Variants in PTPRN2 observed in about 807,000 individuals in gnomAD.
PTPRN2 encodes the protein receptor-type tyrosine-protein phosphatase N2.
PTPRN2 carries 74 observed loss-of-function variants against 118.8 expected under a neutral mutation model. The ratio of observed to expected loss-of-function variants is 0.62; its 90% CI spans 0.52 to 0.76. The LOEUF (loss-of-function observed/expected upper bound fraction) is 0.76, where lower values mean the gene tolerates loss of function less well. Among genes scored for constraint, PTPRN2 ranks in the 30% least tolerant of loss-of-function variants. The pLI, the probability that PTPRN2 is intolerant of heterozygous loss-of-function variation, is 0.00. For synonymous variants in PTPRN2, 641 were observed against 608.0 expected (o/e 1.05, Z -0.80); for missense variants, 1,481 against 1,394.4 (o/e 1.06, Z -0.99).
chr7:158,411,866 C>G (rs1006988009), intron 2 of PTPRN2, among the ~76,000 whole-genome samples: 3 of 152,144 alleles, frequency 2.0e-5, no homozygotes, highest in African/African-American at 7.2e-5. Context: ...TCTCGTTAGG[C>G]TGCCGTGAGG....
intron 11 of PTPRN2, among the ~76,000 whole-genome samples, chr7:157,946,823 G>A (rs749145695): frequency 7.9e-5 from 12 of 152,238 alleles, no homozygotes; most frequent in East Asian, 5.8e-4. Flanking sequence ...TGAGAAGGGC[G>A]GAAGCCATGA....
At position 158,509,097 on chromosome 7, in the gene PTPRN2, T is replaced by C. The variant is rs1476662639; in HGVS notation, c.113-19312A>G. 6.6e-6 allele frequency among the ~76,000 whole-genome samples: 1 copy of C among 150,986 alleles called. No individual in the cohort carries two copies. The highest frequency in any genetic ancestry group is 1.5e-5 in the Non-Finnish European group (1 of 67,794). On this transcript the variant is annotated intron_variant, in intron 1 of 22. Coordinates refer to ENST00000389418, the MANE Select transcript of PTPRN2 (RefSeq NM_002847.5). The surrounding 1 kb of genome is among the most constrained non-coding windows in gnomAD (Gnocchi z 4.4). ...AGAAGGGGAGGAAGAAGATGGGGAC[T>C]GGGAGGGGAGAGGGAGAGAGAGAGC...
At chr7:158,569,189 G>A (rs796220102) in intron 1 of PTPRN2, among the ~76,000 whole-genome samples, 10 of 152,362 alleles carry the variant, frequency 6.6e-5, no homozygotes, top group African/African-American at 2.4e-4. Flanking sequence ...GGTATTTTAA[G>A]GGGAATACAT....
intron 11 of PTPRN2, among the ~76,000 whole-genome samples, chr7:157,968,674 G>T (rs1324472154): frequency 6.6e-6 from 1 of 152,166 alleles, no homozygotes; most frequent in Non-Finnish European, 1.5e-5. Flanking sequence ...TGCAGATGAA[G>T]AATCCAGCCT....
chr7:158,431,519 C>T (rs367898687), intron 2 of PTPRN2, among the ~76,000 whole-genome samples: 2 of 134,170 alleles, frequency 1.5e-5, no homozygotes, highest in East Asian at 4.9e-4. Context: ...AGACACACAG[C>T]AGGCACACTG....
At chr7:157,747,101 C>T (rs1460203829) in intron 12 of PTPRN2, among the ~76,000 whole-genome samples, 1 of 125,484 alleles carries the variant, frequency 8.0e-6, no homozygotes, top group Non-Finnish European at 1.6e-5. Context: ...GAGCTGTGGG[C>T]TGTTGAGGCG....
chr7:158,235,333 G>A (rs566557559), intron 3 of PTPRN2, among the ~76,000 whole-genome samples: 14 of 152,228 alleles, frequency 9.2e-5, no homozygotes, highest in Middle Eastern at 3.4e-3. Flanking sequence ...GCAAAAATAT[G>A]GAGTCGACCT....
rs1434767703 is a variant in PTPRN2 at position 157,801,257 on chromosome 7, TC to T, written c.1788+97415del. ...AACCGACGCTGAAAGTATCAGGCCT[TC>T]CGCTTAGCGCTGCCTTCGAGATCAG... On this transcript the variant is annotated intron_variant, in intron 12 of 22. Transcript: ENST00000389418. The surrounding 1 kb of genome is among the most constrained non-coding windows in gnomAD (Gnocchi z 4.2). Among the ~76,000 whole-genome samples, 1 of 152,098 alleles carries T rather than the reference TC, an allele frequency of 6.6e-6. No individual in the cohort carries two copies. The highest frequency in any genetic ancestry group is 1.5e-5 in the Non-Finnish European group (1 of 68,022).
At chr7:157,592,084 G>A (rs1328838535) in intron 17 of PTPRN2, among the ~76,000 whole-genome samples, 2 of 152,172 alleles carry the variant, frequency 1.3e-5, no homozygotes, top group African/African-American at 4.8e-5. Context: ...TGTCCGAGAT[G>A]TGTCTCAAAA....
intron 1 of PTPRN2, among the ~76,000 whole-genome samples, chr7:158,518,814 G>A (rs962552885): frequency 2.6e-5 from 4 of 152,164 alleles, no homozygotes; most frequent in Admixed American, 6.5e-5. Context: ...GCGAAACCCC[G>A]TCTCTATAAA....
intron 12 of PTPRN2, among the ~76,000 whole-genome samples, chr7:157,796,110 C>A (rs1460061292): frequency 2.6e-5 from 4 of 152,252 alleles, no homozygotes; most frequent in African/African-American, 9.6e-5. Context: ...TCAGAGGGAC[C>A]TGCCCAGTCC....
chr7:158,444,223 T>TCCA (rs1220627765), intron 2 of PTPRN2, among the ~76,000 whole-genome samples: 1 of 152,194 alleles, frequency 6.6e-6, no homozygotes, highest in African/African-American at 2.4e-5. Context: ...CACAGGCCTG[T>TCCA]CCACCGTCAC....
chr7:158,295,843 G>A (rs1254941558), intron 3 of PTPRN2, among the ~76,000 whole-genome samples: 1 of 152,276 alleles, frequency 6.6e-6, no homozygotes, highest in Admixed American at 6.5e-5. Context: ...TGTCTGCCCA[G>A]ATGCTGCCCC....
rs549303954 is a variant in PTPRN2 at position 158,510,360 on chromosome 7, C to T, written c.113-20575G>A. ...ACCCACACCAGGTGCTCATAGACAGCTGCTAAAGAAATGAGTGAATTAATG... is the reference window on the plus strand; with the variant it reads ...ACCCACACCAGGTGCTCATAGACAGTTGCTAAAGAAATGAGTGAATTAATG... On this transcript the variant is annotated intron_variant, in intron 1 of 22. Coordinates refer to ENST00000389418, the MANE Select transcript of PTPRN2 (RefSeq NM_002847.5). Among the ~76,000 whole-genome samples, 5 of 152,278 alleles carry T rather than the reference C, an allele frequency of 3.3e-5. No individual in the cohort carries two copies. The South Asian group carries it at 6.2e-4, about 19-fold the overall frequency.
chr7:158,214,503 A>G (rs1301749330), intron 3 of PTPRN2, among the ~76,000 whole-genome samples: 1 of 152,026 alleles, frequency 6.6e-6, no homozygotes, highest in Non-Finnish European at 1.5e-5. Flanking sequence ...AATATTAGAT[A>G]TTAACAGCTC....
intron 11 of PTPRN2, among the ~76,000 whole-genome samples, chr7:157,969,213 G>T (rs949478607): frequency 6.6e-6 from 1 of 151,942 alleles, no homozygotes; most frequent in Admixed American, 6.6e-5. Context: ...AGGCTAAAGC[G>T]ATCTGCCTGC....
At chr7:157,933,986 A>G (rs1799555093) in intron 11 of PTPRN2, among the ~76,000 whole-genome samples, 2 of 152,162 alleles carry the variant, frequency 1.3e-5, no homozygotes, top group Admixed American at 1.3e-4. Context: ...TTTTTAAAGT[A>G]GGGGTGAGTC....
intron 2 of PTPRN2, among the ~76,000 whole-genome samples, chr7:158,348,303 C>T (rs1445400648): frequency 2.1e-5 from 3 of 142,610 alleles, no homozygotes; most frequent in Non-Finnish European, 4.5e-5. Flanking sequence ...CCCTGGGTTC[C>T]CCATTCACAG....
chr7:157,675,858 G>A lies in PTPRN2; in HGVS notation c.2001+6867C>T, dbSNP rs374255966. 1.8e-3 allele frequency among the ~76,000 whole-genome samples: 268 copies of A among 152,264 alleles called. 2 individuals are homozygous for A. Among genetic ancestry groups the A allele is most frequent in the African/African-American group, 5.9e-3 (246 of 41,560 alleles). On this transcript the variant is annotated intron_variant, in intron 13 of 22. Coordinates refer to ENST00000389418, the MANE Select transcript of PTPRN2 (RefSeq NM_002847.5). ...CTTCGGGAGGGAGGGGCTGGGCCTC[G>A]CACCCCAGGGAATGGAAGGGCAATG...
Sources: gnomAD v4.1 joint callset for allele counts (sites outside exome capture counted in the v4.1 genomes callset) on GRCh38, gnomAD v4.1.1 for gene constraint, Gnocchi (gnomAD v3.1) non-coding constraint, MANE v1.5 for transcripts, NCBI Gene and HGNC (gene_info 2026-07-23, HGNC 2026-07-21) for gene names.